Variants in CNTN4 observed in about 807,000 individuals in gnomAD.
CNTN4 encodes the protein contactin-4.
In CNTN4, 77 loss-of-function variants were observed where a neutral mutation model predicts 122.5. That is an observed-to-expected ratio of 0.63 (90% CI 0.52 to 0.76). The LOEUF is 0.76. CNTN4 is among the 30% of genes least tolerant of loss of function. CNTN4 has a pLI of 0.00. For missense variants in CNTN4, 1,256 were observed against 1,259.1 expected (o/e 1.00, Z 0.04); for synonymous variants, 512 against 447.0 (o/e 1.15, Z -1.83).
intron 3 of CNTN4, among the ~76,000 whole-genome samples, chr3:2,349,577 G>T (rs2044530151): frequency 6.7e-6 from 1 of 149,064 alleles, no homozygotes; most frequent in Non-Finnish European, 1.5e-5. Context: ...ATGAATTGCT[G>T]TCAGTTCATG....
chr3:2,882,014 AT>A (rs2093916925), intron 8 of CNTN4, among the ~76,000 whole-genome samples: 1 of 152,336 alleles, frequency 6.6e-6, no homozygotes, highest in East Asian at 1.9e-4. Flanking sequence ...ATAAGAATAA[AT>A]GTATTAGAAC....
chr3:2,623,908 C>CA (rs779407318), intron 4 of CNTN4, among the ~76,000 whole-genome samples: 14 of 151,922 alleles, frequency 9.2e-5, no homozygotes, highest in Non-Finnish European at 1.5e-4. Context: ...CAAAACAAAA[C>CA]AAAAAAACCC....
chr3:2,571,717 G>A (rs1171025104), intron 4 of CNTN4, among the ~76,000 whole-genome samples, 159 bp downstream of exon 4: 3 of 152,160 alleles, frequency 2.0e-5, no homozygotes, highest in African/African-American at 7.2e-5. Flanking sequence ...CTTCCTGATG[G>A]TCTTTTAGTG....
intron 3 of CNTN4, among the ~76,000 whole-genome samples, chr3:2,468,675 C>T (rs1344143108): frequency 6.6e-6 from 1 of 152,070 alleles, no homozygotes; most frequent in African/African-American, 2.4e-5. Flanking sequence ...CTCAGAGGTT[C>T]ATTCATGTCA....
chr3:2,966,829 T>A (rs1007957106), intron 13 of CNTN4, among the ~76,000 whole-genome samples: 68 of 152,302 alleles, frequency 4.5e-4, no homozygotes, highest in African/African-American at 1.4e-3. Context: ...CTTCTCTACA[T>A]AGACAGATTA....
chr3:2,269,011 T>G (rs936139645), intron 2 of CNTN4, among the ~76,000 whole-genome samples: 2 of 152,214 alleles, frequency 1.3e-5, no homozygotes, highest in Non-Finnish European at 2.9e-5. Flanking sequence ...CTATGACAGA[T>G]TAACCAAATA....
intron 2 of CNTN4, among the ~76,000 whole-genome samples, chr3:2,290,231 G>T (rs2042082694): frequency 6.6e-6 from 1 of 152,136 alleles, no homozygotes; most frequent in African/African-American, 2.4e-5. Context: ...GAATTGTCCT[G>T]GCTTACATTT....
rs1039805100 is a variant in CNTN4, at chr3:2,531,138, T to C, written c.-88-40278T>C. 4.7e-4 allele frequency among the ~76,000 whole-genome samples: 72 copies of C among 152,152 alleles called. 1 individual carries two copies. Among genetic ancestry groups the C allele is most frequent in the African/African-American group, 1.7e-3 (72 of 41,442 alleles). On this transcript the variant is annotated intron_variant, in intron 3 of 24. Transcript: ENST00000418658. ...TTTGATGACATTAAACTGCACACTA[T>C]CATTTGTGAGTATTTTCACTTGTCA...
chr3:2,696,193 C>T (rs915102141), intron 4 of CNTN4, among the ~76,000 whole-genome samples: 1 of 152,208 alleles, frequency 6.6e-6, no homozygotes, highest in Non-Finnish European at 1.5e-5. Context: ...AAATAATCAT[C>T]GTTGATAACT....
In CNTN4 at chr3:2,223,343, C is replaced by T. The variant is rs2039137641; in HGVS notation, c.-144-115835C>T. 2.0e-5 allele frequency among the ~76,000 whole-genome samples: 3 copies of T among 152,232 alleles called. No homozygotes were observed. The South Asian group carries it at 6.2e-4, about 32-fold the overall frequency. On this transcript the variant is annotated intron_variant, in intron 2 of 24. Transcript: ENST00000418658. ...GCTTTTCCCATGCTTCCTAGGCATC[C>T]CTCCATATATCCTTCCCCCTTCTGT...
chr3:2,982,980 C>CT (rs1365104218), intron 13 of CNTN4, among the ~76,000 whole-genome samples: 3 of 151,132 alleles, frequency 2.0e-5, no homozygotes, highest in Non-Finnish European at 4.4e-5. Context: ...CTTTGGGAGG[C>CT]GAGGCGGGCG....
At chr3:3,005,848 C>A (rs1014673423) in intron 14 of CNTN4, among the ~76,000 whole-genome samples, 1 of 151,422 alleles carries the variant, frequency 6.6e-6, no homozygotes, top group Non-Finnish European at 1.5e-5. Context: ...GGGAAACAAA[C>A]ATTAGTCAAT....
At chr3:2,638,580 T>C (rs1189400384) in intron 4 of CNTN4, among the ~76,000 whole-genome samples, 1 of 152,028 alleles carries the variant, frequency 6.6e-6, no homozygotes, top group East Asian at 1.9e-4. Context: ...TACTTACCTA[T>C]TTTAATTCTA....
intron 3 of CNTN4, among the ~76,000 whole-genome samples, chr3:2,545,132 A>G (rs550837414): frequency 5.9e-5 from 9 of 152,206 alleles, no homozygotes; most frequent in Non-Finnish European, 1.0e-4. Context: ...TTATCTACCC[A>G]AAAGTCTTTT....
At chr3:2,322,270 C>G (rs1463760820) in intron 2 of CNTN4, among the ~76,000 whole-genome samples, 1 of 151,986 alleles carries the variant, frequency 6.6e-6, no homozygotes, top group Non-Finnish European at 1.5e-5. Flanking sequence ...CTTAAAATAG[C>G]CAAAAGGTAG....
intron 23 of CNTN4, among the ~76,000 whole-genome samples, chr3:3,050,166 A>C (rs762718595): frequency 1.3e-5 from 2 of 152,160 alleles, no homozygotes; most frequent in African/African-American, 4.8e-5. Context: ...TTTCAACATG[A>C]GTTTTGGAGA....
At chr3:2,812,349 G>A (rs1290697442) in intron 6 of CNTN4, among the ~76,000 whole-genome samples, 1 of 152,158 alleles carries the variant, frequency 6.6e-6, no homozygotes, top group African/African-American at 2.4e-5. Context: ...AGCATTCTCA[G>A]ACCAGAAGAT....
intron 4 of CNTN4, among the ~76,000 whole-genome samples, chr3:2,635,386 C>T (rs2082619560): frequency 2.0e-5 from 3 of 152,162 alleles, no homozygotes; most frequent in Admixed American, 2.0e-4. Context: ...CAATTTTAGC[C>T]ATGCCTTATC....
rs138293967 is a variant in CNTN4, at chr3:3,039,872, A to G, written c.2164-165A>G. ...CTGTCCAGTACATCATAACTGTTTAAGATAGACTGACTGCAAGCCCTAAAT... is the reference window on the plus strand; with the variant it reads ...CTGTCCAGTACATCATAACTGTTTAGGATAGACTGACTGCAAGCCCTAAAT... On this transcript the variant is annotated intron_variant, in intron 19 of 24. Transcript: ENST00000418658. 5 of 669,648 alleles carry G rather than the reference A, an allele frequency of 7.5e-6. No individual in the cohort carries two copies. In the East Asian group the frequency reaches 1.4e-4, roughly 19 times the overall value. The allele number at this position is 669,648 out of a possible 1,614,324, so 41.5% of individuals were successfully genotyped here.
Sources: gnomAD v4.1 joint callset for allele counts (sites outside exome capture counted in the v4.1 genomes callset) on GRCh38, gnomAD v4.1.1 for gene constraint, MANE v1.5 for transcripts, NCBI Gene and HGNC (gene_info 2026-07-23, HGNC 2026-07-21) for gene names.